The following PAPSS1 variants were observed in gnomAD, a reference collection of about 807,000 sequenced individuals.
PAPSS1 encodes the protein 3'-phosphoadenosine 5'-phosphosulfate synthase 1.
PAPSS1 carries 50 observed loss-of-function variants against 72.0 expected under a neutral mutation model. That is an observed-to-expected ratio of 0.69 (90% CI 0.55 to 0.88). The LOEUF (loss-of-function observed/expected upper bound fraction) is 0.88, where lower values mean the gene tolerates loss of function less well. Ranked by LOEUF, PAPSS1 falls within the 40% of genes least tolerant of loss-of-function variation. The pLI is 0.00. For missense variants in PAPSS1, 657 were observed against 782.2 expected, an observed-to-expected ratio of 0.84 and a Z score of 1.91; for synonymous variants, 261 against 263.6, an observed-to-expected ratio of 0.99 and a Z score of 0.09.
chr4:107,654,258 C>CAT (rs1167188844), intron 8 of PAPSS1, among the ~76,000 whole-genome samples: 9 of 152,076 alleles, frequency 5.9e-5, no homozygotes, highest in Admixed American at 1.3e-4. Flanking sequence ...CCACATACAA[C>CAT]ATATATATAT....
chr4:107,674,018 G>A (rs1463068163), intron 5 of PAPSS1, among the ~76,000 whole-genome samples: 1 of 151,800 alleles, frequency 6.6e-6, no homozygotes, highest in African/African-American at 2.4e-5. Flanking sequence ...GTCACCACCA[G>A]GCCTGCCCTA....
At chr4:107,667,241 G>A (rs907603068) in intron 5 of PAPSS1, among the ~76,000 whole-genome samples, 1 of 152,170 alleles carries the variant, frequency 6.6e-6, no homozygotes, top group Non-Finnish European at 1.5e-5. Context: ...GGGGCTGGGG[G>A]TTGAAGTTCA....
At chr4:107,708,657 G>A (rs374727189) in intron 1 of PAPSS1, among the ~76,000 whole-genome samples, 9 of 152,194 alleles carry the variant, frequency 5.9e-5, no homozygotes, top group East Asian at 1.9e-4. Flanking sequence ...AGTAGAGACC[G>A]TCTGTTTTAA....
At chr4:107,663,367 AGTT>A (rs1294365086) in intron 5 of PAPSS1, among the ~76,000 whole-genome samples, 1 of 152,172 alleles carries the variant, frequency 6.6e-6, no homozygotes, top group Non-Finnish European at 1.5e-5. Context: ...GTGTCTCCCC[AGTT>A]GTTTAAAAAA....
At chr4:107,683,801 C>T (rs889632726) in intron 4 of PAPSS1, among the ~76,000 whole-genome samples, 2 of 151,960 alleles carry the variant, frequency 1.3e-5, no homozygotes, top group African/African-American at 4.8e-5. Context: ...TGAATATACA[C>T]AATCTTGTCT....
At chr4:107,621,723 C>A (rs1262351043) in intron 11 of PAPSS1, among the ~76,000 whole-genome samples, 2 of 149,638 alleles carry the variant, frequency 1.3e-5, no homozygotes, top group Non-Finnish European at 3.0e-5. Context: ...CAGGTTCACG[C>A]CATTCTCCTG....
At chr4:107,658,650 T>A (rs1037376873) in intron 6 of PAPSS1, among the ~76,000 whole-genome samples, 4 of 152,164 alleles carry the variant, frequency 2.6e-5, no homozygotes, top group Non-Finnish European at 4.4e-5. Flanking sequence ...TCCCAGAGTA[T>A]GTTTGCCAAT....
Position 107,677,697 on chromosome 4 carries a change from A to G in PAPSS1, c.669+4318T>C, listed in dbSNP as rs989748756. 2.0e-5 allele frequency among the ~76,000 whole-genome samples: 3 copies of G among 152,236 alleles called. No individual in the cohort carries two copies. In the South Asian group the frequency reaches 6.2e-4, roughly 32 times the overall value. On this transcript the variant is annotated intron_variant, in intron 5 of 11. Coordinates refer to ENST00000265174, the MANE Select transcript of PAPSS1 (RefSeq NM_005443.5). Reference sequence around the variant, plus strand: ...AATCCCATTACTGGGTATATACCCAAAGGACTATAAATCATGCTGCTATAA... The same window carrying G: ...AATCCCATTACTGGGTATATACCCAGAGGACTATAAATCATGCTGCTATAA...
At chr4:107,719,770 G>A (rs1337116681) in intron 1 of PAPSS1, 1 of 1,128,420 alleles carries the variant, frequency 8.9e-7, no homozygotes, top group African/African-American at 1.7e-5. Flanking sequence ...TGTTTCTGCA[G>A]CCGCAGGTTT....
chr4:107,669,440 CTA>C (rs1405943285), intron 5 of PAPSS1, among the ~76,000 whole-genome samples: 3 of 152,144 alleles, frequency 2.0e-5, no homozygotes, highest in Non-Finnish European at 4.4e-5. Context: ...ATAAATGAAT[CTA>C]TATATGCTCA....
chr4:107,697,929 C>T (rs868288000), intron 2 of PAPSS1, among the ~76,000 whole-genome samples: 28 of 152,082 alleles, frequency 1.8e-4, no homozygotes, highest in Non-Finnish European at 3.5e-4. Context: ...TGGAGTGATC[C>T]GTCCACACAC....
chr4:107,620,790 A>G (rs1725935102), intron 11 of PAPSS1, among the ~76,000 whole-genome samples: 1 of 152,266 alleles, frequency 6.6e-6, no homozygotes, highest in South Asian at 2.1e-4. Flanking sequence ...AGAAAGACAG[A>G]TTGAGTTGAT....
intron 10 of PAPSS1, among the ~76,000 whole-genome samples, chr4:107,635,282 C>A: frequency 6.6e-6 from 1 of 151,816 alleles, no homozygotes; most frequent in African/African-American, 2.4e-5. Context: ...CTGCTAAAAA[C>A]AAAAAGTGAG....
chr4:107,615,881 A>G (rs573719572), intron 11 of PAPSS1, among the ~76,000 whole-genome samples: 25 of 152,124 alleles, frequency 1.6e-4, no homozygotes, highest in Non-Finnish European at 3.1e-4. Flanking sequence ...TCCTCTACAT[A>G]AGGACACAGC....
intron 10 of PAPSS1, among the ~76,000 whole-genome samples, chr4:107,637,621 T>A (rs542709939): frequency 6.6e-6 from 1 of 152,350 alleles, no homozygotes. Context: ...GTGGCTTATT[T>A]CTTTATATCT....
At chr4:107,686,521 A>C (rs1174631726) in intron 4 of PAPSS1, among the ~76,000 whole-genome samples, 1 of 152,178 alleles carries the variant, frequency 6.6e-6, no homozygotes, top group Admixed American at 6.5e-5. Flanking sequence ...ACAGATGTGG[A>C]GGGTCAGCTG....
chr4:107,645,098 A>G (rs1726657963), intron 9 of PAPSS1, 28 bp from the exon 10 acceptor site: 2 of 1,468,824 alleles, frequency 1.4e-6, no homozygotes, highest in East Asian at 4.9e-5. Flanking sequence ...AGAGTTAAGA[A>G]TAGCATGTTT....
chr4:107,676,063 C>G (rs1727635512), intron 5 of PAPSS1, among the ~76,000 whole-genome samples: 1 of 152,072 alleles, frequency 6.6e-6, no homozygotes, highest in Non-Finnish European at 1.5e-5. Context: ...TATGACAAAC[C>G]CACAGCCAAT....
At position 107,649,525 on chromosome 4, in the gene PAPSS1, C is replaced by T. The variant is rs550200265; in HGVS notation, c.1237+3966G>A. On this transcript the variant is annotated intron_variant, in intron 9 of 11. Coordinates refer to ENST00000265174, the MANE Select transcript of PAPSS1 (RefSeq NM_005443.5). ...TCAAAGCCTCATCTGAGTGTGCCTTCTGCTTCCTGCTGGGAGCTGACTGAC... is the reference window on the plus strand; with the variant it reads ...TCAAAGCCTCATCTGAGTGTGCCTTTTGCTTCCTGCTGGGAGCTGACTGAC... Among the ~76,000 whole-genome samples the T allele has an allele frequency of 3.3e-5, 5 of 152,322 alleles. No individual in the cohort carries two copies. In the South Asian group the frequency reaches 1.0e-3, roughly 32 times the overall value.
Sources: gnomAD v4.1 joint callset for allele counts (sites outside exome capture counted in the v4.1 genomes callset) on GRCh38, gnomAD v4.1.1 for gene constraint, MANE v1.5 for transcripts, NCBI Gene and HGNC (gene_info 2026-07-23, HGNC 2026-07-21) for gene names.